The following ITGA3 variants were observed in gnomAD, a reference collection of about 807,000 sequenced individuals.
The protein encoded by ITGA3 is integrin alpha-3.
In ITGA3, 70 loss-of-function variants were observed where a neutral mutation model predicts 131.1. That is an observed-to-expected ratio of 0.53 (90% CI 0.44 to 0.65). ITGA3 has a LOEUF of 0.65. Ranked by LOEUF, ITGA3 falls within the 30% of genes least tolerant of loss-of-function variation. The pLI, the probability that ITGA3 is intolerant of heterozygous loss-of-function variation, is 0.00. For synonymous variants in ITGA3, 537 were observed against 571.6 expected, an observed-to-expected ratio of 0.94 and a Z score of 0.86; for missense variants, 1,098 against 1,388.6, an observed-to-expected ratio of 0.79 and a Z score of 3.33.
At position 50,075,619 on chromosome 17, in the gene ITGA3, G is replaced by T; in HGVS notation, c.1558G>T (p.Ala520Ser). 1 of 1,614,232 alleles carries T rather than the reference G, an allele frequency of 6.2e-7. No homozygotes were observed. Among genetic ancestry groups the T allele is most frequent in the Non-Finnish European group, 8.5e-7 (1 of 1,180,036 alleles). ...TGTAGCCCTGGCCTACACTCTGGAGGCTGACAGGGACCGCCGGCCGCCCCG... is the reference window on the plus strand; with the variant it reads ...TGTAGCCCTGGCCTACACTCTGGAGTCTGACAGGGACCGCCGGCCGCCCCG... The part of the protein sequence containing the change: ...RNITLAYTLE[A>S]DRDRRPPRLR... Residue 520 changes from alanine (A) to serine (S), a missense_variant, in exon 12 of 26, where the codon GCT (alanine) becomes TCT (serine). Ala to Ser is a moderately conservative substitution (Grantham distance 99). Coordinates refer to ENST00000320031, the MANE Select transcript of ITGA3 (RefSeq NM_002204.4).
chr17:50,085,663 CAA>C (rs1909354286), intron 23 of ITGA3, among the ~76,000 whole-genome samples: 1 of 138,882 alleles, frequency 7.2e-6, no homozygotes, highest in African/African-American at 2.7e-5. Flanking sequence ...AACTCTGTCT[CAA>C]AAAAATATAT....
rs780863386 is a variant in ITGA3, at chr17:50,064,039, GAGTCTGA to G, written c.207-36_207-30del. On this transcript the variant is annotated intron_variant, in intron 1 of 25. Coordinates refer to ENST00000320031, the MANE Select transcript of ITGA3 (RefSeq NM_002204.4). The surrounding 1 kb of genome is among the most constrained non-coding windows in gnomAD (Gnocchi z 4.4). ...CAAGTTGTTCCAAGTGGGGCTTGGG[GAGTCTGA>G]ACCCGGACCCACCTCCGTCCCTATC... is the stretch of plus-strand genomic sequence containing the variant. The G allele has an allele frequency of 1.2e-6, 2 of 1,607,588 alleles. No individual in the cohort carries two copies. Among genetic ancestry groups the G allele is most frequent in the African/African-American group, 2.7e-5 (2 of 74,912 alleles).
At position 50,079,113 on chromosome 17, in the gene ITGA3, C is replaced by A. The variant is rs765147018; in HGVS notation, c.2438C>A (p.Thr813Asn). The A allele has an allele frequency of 6.2e-7, 1 of 1,613,618 alleles. No homozygotes were observed. Among genetic ancestry groups the A allele is most frequent in the Non-Finnish European group, 8.5e-7 (1 of 1,179,934 alleles). ...PMGEGLVGLG[T>N]LVLGLEWPYE... ...GGGGAGGGGCTGGTGGGCCTGGGGACCCTGGTCCTAGGTCTGGAGTGGCCC... is the reference window on the plus strand; with the variant it reads ...GGGGAGGGGCTGGTGGGCCTGGGGAACCTGGTCCTAGGTCTGGAGTGGCCC... The change falls in exon 20 of 26, where the codon ACC (threonine) becomes AAC (asparagine). Residue 813 changes from threonine (T) to asparagine (N), a missense_variant. Physicochemically the swap from Thr to Asn is moderately conservative, Grantham distance 65. Transcript: ENST00000320031.
At chr17:50,076,858 C>T (rs1908932100) in intron 14 of ITGA3, 116 bp from the exon 15 acceptor site, 1 of 1,285,364 alleles carries the variant, frequency 7.8e-7, no homozygotes, top group African/African-American at 1.5e-5. Flanking sequence ...AGGACGGGGC[C>T]TGGCTGTCCC....
intron 15 of ITGA3, 85 bp from the exon 16 acceptor site, chr17:50,077,294 T>C: frequency 7.3e-7 from 1 of 1,379,036 alleles, no homozygotes; most frequent in Non-Finnish European, 1.0e-6. Flanking sequence ...TCTCAAGCTC[T>C]AGGGCTTCTG....
Position 50,062,933 on chromosome 17 carries a change from G to A in ITGA3, c.207-1144G>A, listed in dbSNP as rs549172293. Among the ~76,000 whole-genome samples the A allele has an allele frequency of 3.3e-5, 5 of 152,378 alleles. No homozygotes were observed. In the East Asian group the frequency reaches 5.8e-4, roughly 18 times the overall value. The stretch of plus-strand genomic sequence containing the variant: ...CCTGGCAGAACATTTAGAGGCTGCA[G>A]GGAGGTGATGTGGGGAGAAAATCTG... On this transcript the variant is annotated intron_variant, in intron 1 of 25. Transcript: ENST00000320031.
chr17:50,064,840 A>T lies in ITGA3; in HGVS notation c.414+233A>T. The stretch of plus-strand genomic sequence containing the variant: ...ACGGCCTGAGTTCTCTGACTCATCC[A>T]CTTCCTCCGCATGCCTACACTGGGT... On this transcript the variant is annotated intron_variant, in intron 3 of 25. Transcript: ENST00000320031. The surrounding 1 kb of genome is among the most constrained non-coding windows in gnomAD (Gnocchi z 4.4). 1 of 462,890 alleles carries T rather than the reference A, an allele frequency of 2.2e-6. No homozygotes were observed. 28.7% of individuals were successfully genotyped at this position (462,890 alleles called of 1,614,324 possible).
At chr17:50,082,563 C>T (rs897876836) in intron 23 of ITGA3, among the ~76,000 whole-genome samples, 7 of 152,160 alleles carry the variant, frequency 4.6e-5, no homozygotes, top group African/African-American at 1.7e-4. Flanking sequence ...CCTCCCACCT[C>T]AGCCTCCCAA....
rs1909302014 is a variant in ITGA3, at chr17:50,084,296, CT to C, written c.2919+2889del. Among the ~76,000 whole-genome samples, 6 of 142,752 alleles carry C rather than the reference CT, an allele frequency of 4.2e-5. 1 individual carries two copies. In the South Asian group the frequency reaches 1.4e-3, roughly 33 times the overall value. The allele number at this position is 142,752 out of a possible 152,430, so 93.7% of individuals were successfully genotyped here. A position where few individuals can be genotyped will look rare whatever the true frequency, so the allele number is the denominator to read the frequency against. Reference sequence around the variant, plus strand: ...AATGCTGATGAGGTGGAGAGAAATGCTATTGATTTGGATGATAAATTGGTAG... The same window carrying C: ...AATGCTGATGAGGTGGAGAGAAATGCATTGATTTGGATGATAAATTGGTAG... On this transcript the variant is annotated intron_variant, in intron 23 of 25. Transcript: ENST00000320031.
At chr17:50,062,821 G>A (rs1376244368) in intron 1 of ITGA3, among the ~76,000 whole-genome samples, 1 of 152,270 alleles carries the variant, frequency 6.6e-6, no homozygotes, top group Non-Finnish European at 1.5e-5. Context: ...GCTGTAGAGT[G>A]ATAGAGTTGC....
In ITGA3 at chr17:50,078,029, C is replaced by G. The variant is rs1354631040; in HGVS notation, c.2140-17C>G. ...GGCCCCATATGCCACTCTCTGCCTC[C>G]CTGACCCTTGTGGCAGATGGAGCTG... On this transcript the variant is annotated splice_polypyrimidine_tract_variant and intron_variant, in intron 16 of 25. Coordinates refer to ENST00000320031, the MANE Select transcript of ITGA3 (RefSeq NM_002204.4). The G allele has an allele frequency of 6.2e-7, 1 of 1,605,046 alleles. No homozygotes were observed.
intron 25 of ITGA3, 148 bp from the exon 26 acceptor site, chr17:50,088,962 G>T: frequency 4.4e-6 from 3 of 681,128 alleles, no homozygotes; most frequent in Non-Finnish European, 7.9e-6. Flanking sequence ...CTCATCCTCC[G>T]TATCTCAGTG....
intron 1 of ITGA3, among the ~76,000 whole-genome samples, chr17:50,057,089 G>T (rs1205530753): frequency 1.3e-5 from 2 of 152,218 alleles, no homozygotes; most frequent in Non-Finnish European, 2.9e-5. Context: ...CTGCGGCCAC[G>T]CCAGCCACAC....
chr17:50,085,290 A>C (rs1404597625), intron 23 of ITGA3, among the ~76,000 whole-genome samples: 1 of 152,054 alleles, frequency 6.6e-6, no homozygotes, highest in Non-Finnish European at 1.5e-5. Flanking sequence ...ATTTATGTAG[A>C]TCATATTAAT....
Position 50,090,037 on chromosome 17 carries a change from A to G in ITGA3, c.*959A>G, listed in dbSNP as rs1157160270. 3.4e-6 allele frequency: 1 copy of G among 291,568 alleles called. No individual in the cohort carries two copies. Among genetic ancestry groups the G allele is most frequent in the Non-Finnish European group, 7.1e-6 (1 of 141,220 alleles). 18.1% of individuals were successfully genotyped at this position (291,568 alleles called of 1,614,324 possible). On this transcript the variant is annotated 3_prime_UTR_variant, in exon 26 of 26. Transcript: ENST00000320031. Reference sequence around the variant, plus strand: ...ACAGAGAGGAGGGGACCAATTCTGGACAGACAGATGTTGGGAGGATACAGA... The same window carrying G: ...ACAGAGAGGAGGGGACCAATTCTGGGCAGACAGATGTTGGGAGGATACAGA...
intron 4 of ITGA3, among the ~76,000 whole-genome samples, chr17:50,068,813 T>TA (rs1908458341): frequency 9.1e-6 from 1 of 109,938 alleles, no homozygotes; most frequent in Non-Finnish European, 1.9e-5. Context: ...CAATCAGTCT[T>TA]TTTTATTTAT....
chr17:50,072,251 G>A, intron 7 of ITGA3, 69 bp downstream of exon 7: 1 of 1,394,474 alleles, frequency 7.2e-7, no homozygotes, highest in Non-Finnish European at 1.0e-6. Flanking sequence ...CCTACTGACT[G>A]AGCACCAGCT....
chr17:50,074,302 TA>T, intron 9 of ITGA3, 22 bp downstream of exon 9: 2 of 1,612,732 alleles, frequency 1.2e-6, no homozygotes, highest in Non-Finnish European at 1.7e-6. Context: ...GGCCAGTGAA[TA>T]AGGGTCTTTC....
intron 1 of ITGA3, among the ~76,000 whole-genome samples, chr17:50,062,904 G>A (rs995618090): frequency 6.6e-6 from 1 of 152,252 alleles, no homozygotes; most frequent in African/African-American, 2.4e-5. Flanking sequence ...ATTGAGCAGG[G>A]GCTCCTGGCA....
Sources: allele counts gnomAD v4.1 joint callset (sites outside exome capture counted in the v4.1 genomes callset), GRCh38; gene constraint gnomAD v4.1.1; non-coding constraint Gnocchi (gnomAD v3.1); transcripts MANE v1.5; gene names NCBI Gene and HGNC (gene_info 2026-07-23, HGNC 2026-07-21).